Variants in ASIC2 observed in about 807,000 individuals in gnomAD.
ASIC2 encodes acid-sensing ion channel 2.
A neutral mutation model predicts 57.3 loss-of-function variants in ASIC2; 25 were observed. The observed-to-expected ratio is 0.44, with a 90% confidence interval of 0.32 to 0.61. ASIC2 has a LOEUF of 0.61. Among genes scored for constraint, ASIC2 ranks in the 20% least tolerant of loss-of-function variants. ASIC2 has a pLI of 0.06. For synonymous variants in ASIC2, 319 were observed against 307.5 expected (o/e 1.04, Z -0.39); for missense variants, 641 against 738.1 (o/e 0.87, Z 1.52).
intron 1 of ASIC2, among the ~76,000 whole-genome samples, chr17:33,724,669 C>A (rs1909490814): frequency 6.6e-6 from 1 of 152,094 alleles, no homozygotes; most frequent in Admixed American, 6.5e-5. Flanking sequence ...ATGGGAAAGA[C>A]CAAAGGAGCA....
intron 1 of ASIC2, among the ~76,000 whole-genome samples, chr17:33,443,256 C>T (rs1331751061): frequency 6.6e-6 from 1 of 152,060 alleles, no homozygotes; most frequent in Non-Finnish European, 1.5e-5. Context: ...CAGGGTAATA[C>T]TGGTCTTATA....
At chr17:34,128,016 C>A (rs544679576) in intron 1 of ASIC2, among the ~76,000 whole-genome samples, 18 of 152,130 alleles carry the variant, frequency 1.2e-4, no homozygotes, top group Non-Finnish European at 1.8e-4. Flanking sequence ...GGAGAGCACA[C>A]TGACAGCCAC....
chr17:33,901,214 CCATGCCTCTTGCATATTAT>C (rs897152161), intron 1 of ASIC2, among the ~76,000 whole-genome samples: 2 of 152,302 alleles, frequency 1.3e-5, no homozygotes, highest in African/African-American at 4.8e-5. Context: ...TCTGGCTCAT[CCATGCCTCTTGCATATTAT>C]CACTCCCTCC....
At chr17:33,074,971 T>C (rs2141953334) in intron 3 of ASIC2, among the ~76,000 whole-genome samples, 1 of 152,258 alleles carries the variant, frequency 6.6e-6, no homozygotes, top group South Asian at 2.1e-4. Context: ...CTGATATCAG[T>C]TATGATTCCT....
At chr17:33,022,271 T>A (rs761568941) in intron 6 of ASIC2, among the ~76,000 whole-genome samples, 19 of 152,294 alleles carry the variant, frequency 1.2e-4, no homozygotes, top group Non-Finnish European at 1.9e-4. Flanking sequence ...TTTCTAAAAC[T>A]GCTAACTTGA....
chr17:33,307,691 CCTT>C (rs1293593137), intron 1 of ASIC2, among the ~76,000 whole-genome samples: 1 of 152,208 alleles, frequency 6.6e-6, no homozygotes, highest in African/African-American at 2.4e-5. Context: ...ATTAATCACT[CCTT>C]CTTTTCTTTT....
chr17:33,739,695 A>C (rs765631845), intron 1 of ASIC2, among the ~76,000 whole-genome samples: 18 of 152,082 alleles, frequency 1.2e-4, no homozygotes, highest in Non-Finnish European at 2.1e-4. Flanking sequence ...TACCAAAATC[A>C]CCAGAACCCC....
intron 1 of ASIC2, among the ~76,000 whole-genome samples, chr17:33,945,269 A>G (rs1904336271): frequency 6.6e-6 from 1 of 151,774 alleles, no homozygotes; most frequent in African/African-American, 2.4e-5. Flanking sequence ...TGGGTAACAC[A>G]TTCACAACCT....
At chr17:34,074,682 G>A (rs1247314343) in intron 1 of ASIC2, among the ~76,000 whole-genome samples, 2 of 152,130 alleles carry the variant, frequency 1.3e-5, no homozygotes, top group East Asian at 1.9e-4. Context: ...GCAGCATTAC[G>A]TGTTTCAGGG....
At chr17:33,122,338 C>T (rs903340231) in intron 1 of ASIC2, among the ~76,000 whole-genome samples, 3 of 152,198 alleles carry the variant, frequency 2.0e-5, no homozygotes, top group African/African-American at 7.2e-5. Flanking sequence ...TCTTAGTCTA[C>T]GTTCGATCAC....
At chr17:33,848,245 C>CACGTTTACATTT (rs1913668094) in intron 1 of ASIC2, among the ~76,000 whole-genome samples, 1 of 151,810 alleles carries the variant, frequency 6.6e-6, no homozygotes, top group Admixed American at 6.5e-5. Flanking sequence ...CCGAAGCAGC[C>CACGTTTACATTT]ACGTTTACAT....
chr17:33,756,077 C>T (rs890547047), intron 1 of ASIC2, among the ~76,000 whole-genome samples: 12 of 152,238 alleles, frequency 7.9e-5, no homozygotes, highest in Non-Finnish European at 4.4e-5. Context: ...GAACATTGCA[C>T]CCCAATACTC....
chr17:33,209,741 A>T (rs1907202131), intron 1 of ASIC2, among the ~76,000 whole-genome samples: 1 of 152,246 alleles, frequency 6.6e-6, no homozygotes, highest in Non-Finnish European at 1.5e-5. Context: ...CAGCATGAAT[A>T]CATGAGTGAA....
At chr17:33,233,591 CAA>C (rs1365624059) in intron 1 of ASIC2, among the ~76,000 whole-genome samples, 2 of 150,874 alleles carry the variant, frequency 1.3e-5, no homozygotes, top group South Asian at 2.1e-4. Context: ...ATTCTGTACA[CAA>C]AAGTCTCCAC....
intron 1 of ASIC2, among the ~76,000 whole-genome samples, chr17:33,115,438 T>C (rs2092277263): frequency 6.6e-6 from 1 of 152,182 alleles, no homozygotes; most frequent in African/African-American, 2.4e-5. Flanking sequence ...GGGCCCTGTA[T>C]GGTTGAGCCC....
intron 1 of ASIC2, among the ~76,000 whole-genome samples, chr17:33,173,393 T>G (rs879697453): frequency 1.3e-5 from 2 of 152,114 alleles, no homozygotes; most frequent in Admixed American, 1.3e-4. Context: ...GTACCAAGCT[T>G]GCGGGGCCTG....
chr17:33,055,618 C>A (rs2091994898), intron 3 of ASIC2, among the ~76,000 whole-genome samples: 1 of 152,162 alleles, frequency 6.6e-6, no homozygotes, highest in South Asian at 2.1e-4. Context: ...CTTAAGCGAT[C>A]TTTCCTTTGG....
intron 1 of ASIC2, among the ~76,000 whole-genome samples, chr17:33,354,332 C>A (rs866987735): frequency 6.6e-6 from 1 of 152,122 alleles, no homozygotes; most frequent in African/African-American, 2.4e-5. Context: ...CACTATGAGC[C>A]CCCTGGAGGA....
At chr17:33,170,398 AT>A (rs1242729102) in intron 1 of ASIC2, among the ~76,000 whole-genome samples, 1 of 152,236 alleles carries the variant, frequency 6.6e-6, no homozygotes, top group Non-Finnish European at 1.5e-5. Flanking sequence ...ATCATTAACT[AT>A]TTGACTAGGA....
Sources: allele counts gnomAD v4.1 joint callset (sites outside exome capture counted in the v4.1 genomes callset), GRCh38; gene constraint gnomAD v4.1.1; transcripts MANE v1.5; gene names NCBI Gene and HGNC (gene_info 2026-07-23, HGNC 2026-07-21).